Variants in OARD1 observed in about 807,000 individuals in gnomAD.
The protein encoded by OARD1 is ADP-ribose glycohydrolase OARD1.
In OARD1, 19 loss-of-function variants were observed where a neutral mutation model predicts 19.7. The observed-to-expected ratio is 0.96, with a 90% CI of 0.67 to 1.41. The LOEUF (loss-of-function observed/expected upper bound fraction) is 1.41. Among genes scored for constraint, OARD1 ranks in the 40% most tolerant of loss-of-function variants. OARD1 has a pLI of 0.00. For missense variants in OARD1, 190 were observed against 183.8 expected, an observed-to-expected ratio of 1.03 and a Z score of -0.20; for synonymous variants, 70 against 61.8, an observed-to-expected ratio of 1.13 and a Z score of -0.62.
chr6:41,066,989 A>T lies in OARD1; in HGVS notation c.*346T>A, dbSNP rs2114040652. The T allele has an allele frequency of 6.2e-6, 1 of 160,102 alleles. No individual in the cohort carries two copies. Among genetic ancestry groups the T allele is most frequent in the Middle Eastern group, 3.0e-3 (1 of 328 alleles). 9.9% of individuals were successfully genotyped at this position (160,102 alleles called of 1,614,324 possible). ...GATCATCCTTCCTGAAATTTCTCTT[A>T]AAAAGCAGAGAAGTAGAACCAATGC... is the stretch of plus-strand genomic sequence containing the variant. On this transcript the variant is annotated 3_prime_UTR_variant, in exon 6 of 6. Transcript: ENST00000424266.
At position 41,071,693 on chromosome 6, in the gene OARD1, G is replaced by C; in HGVS notation, c.-41-18C>G. On this transcript the variant is annotated intron_variant, in intron 1 of 5. Coordinates refer to ENST00000424266, the MANE Select transcript of OARD1 (RefSeq NM_001329686.2). ...TTCTTCAGCTATGAGAAGGGAAAAG[G>C]AAGTAAAAATGCTTAGGCAGCCTTA... The C allele has an allele frequency of 2.7e-6, 4 of 1,464,458 alleles. No homozygotes were observed. The highest frequency in any genetic ancestry group is 3.8e-6 in the Non-Finnish European group (4 of 1,043,686). 90.7% of individuals were successfully genotyped at this position (1,464,458 alleles called of 1,614,324 possible).
intron 1 of OARD1, 178 bp from the exon 2 acceptor site, chr6:41,071,853 G>C (rs1763429965): frequency 3.7e-6 from 2 of 540,932 alleles, no homozygotes; most frequent in Non-Finnish European, 6.6e-6. Context: ...AGAACGCTTA[G>C]GTTCGGAGGC....
upstream of OARD1, among the ~76,000 whole-genome samples, chr6:41,074,585 G>C (rs1561848619): frequency 1.3e-5 from 2 of 152,228 alleles, no homozygotes; most frequent in African/African-American, 4.8e-5. Context: ...GAGAAGAAAA[G>C]CATGTGCAGA....
At position 41,093,631 on chromosome 6, in the gene OARD1, C is replaced by T. The variant is rs572743281; in HGVS notation, c.-42+4082G>A. 5.9e-5 allele frequency among the ~76,000 whole-genome samples: 9 copies of T among 152,278 alleles called. No individual in the cohort carries two copies. The East Asian group carries it at 1.7e-3, about 29-fold the overall frequency. On this transcript the variant is annotated intron_variant, in intron 1 of 4. Transcript: ENST00000480585. ...GATTACAGGTGTGCGCCACCACGCC[C>T]AGCTTATTTTTGTGTTTTTAGTAGA... is the stretch of plus-strand genomic sequence containing the variant.
At chr6:41,071,069 A>G in intron 3 of OARD1, 63 bp downstream of exon 3, 1 of 1,499,480 alleles carries the variant, frequency 6.7e-7, no homozygotes, top group South Asian at 1.1e-5. Flanking sequence ...ATTTTATTAA[A>G]GTGTAACAGA....
chr6:41,093,943 C>T (rs977872623), intron 1 of OARD1, among the ~76,000 whole-genome samples: 1 of 152,066 alleles, frequency 6.6e-6, no homozygotes, highest in African/African-American at 2.4e-5. Flanking sequence ...TCACATGAGC[C>T]GAGGAATTCA....
chr6:41,091,456 GACTA>G (rs1194770764), intron 1 of OARD1: 15 of 1,464,396 alleles, frequency 1.0e-5, no homozygotes, highest in South Asian at 2.5e-5. Context: ...ATAGAAGAGG[GACTA>G]ACTATGTTCC....
At chr6:41,087,187 A>G (rs1056259608) in intron 1 of OARD1, among the ~76,000 whole-genome samples, 2 of 152,264 alleles carry the variant, frequency 1.3e-5, no homozygotes. Flanking sequence ...GTTGGTTCAC[A>G]TAACCAGATA....
intron 1 of OARD1, chr6:41,094,630 T>C (rs1764298080): frequency 7.9e-6 from 5 of 631,100 alleles, no homozygotes; most frequent in South Asian, 2.0e-5. Context: ...TGCAATCTTA[T>C]GTCTCTTTAG....
intron 1 of OARD1, among the ~76,000 whole-genome samples, chr6:41,083,663 T>C (rs1763967765): frequency 6.6e-6 from 1 of 152,182 alleles, no homozygotes; most frequent in Middle Eastern, 3.2e-3. Context: ...CCATCACCTT[T>C]CCCTCTCATT....
At chr6:41,072,831 G>GGCTTCA (rs1763543963), upstream of OARD1, 1 of 152,988 alleles carries the variant, frequency 6.5e-6, no homozygotes, top group Non-Finnish European at 1.5e-5. Context: ...AGGTGGGCGT[G>GGCTTCA]GCTTCAGGGA....
rs745675105 is a variant in OARD1, at chr6:41,065,238, TCTTTAA to T, written c.*2091_*2096del. 2 of 152,190 alleles carry T rather than the reference TCTTTAA, an allele frequency of 1.3e-5. No individual in the cohort carries two copies. Among genetic ancestry groups the T allele is most frequent in the Non-Finnish European group, 2.9e-5 (2 of 68,044 alleles). 9.4% of individuals were successfully genotyped at this position (152,190 alleles called of 1,614,324 possible). On this transcript the variant is annotated 3_prime_UTR_variant, in exon 6 of 6. Transcript: ENST00000424266. ...AAAAATAATAATAATAACCATAATC[TCTTTAA>T]AAGTAAAGGAAGCCTAGAAAATCCA...
At chr6:41,068,483 T>C (rs1289305938) in intron 5 of OARD1, among the ~76,000 whole-genome samples, 1 of 152,246 alleles carries the variant, frequency 6.6e-6, no homozygotes, top group Non-Finnish European at 1.5e-5. Context: ...AAAACCACCA[T>C]TGCTCAGTCT....
chr6:41,092,363 C>T (rs1021653170), intron 1 of OARD1, among the ~76,000 whole-genome samples: 2 of 151,960 alleles, frequency 1.3e-5, no homozygotes, highest in African/African-American at 2.4e-5. Context: ...CTCGTTTCTA[C>T]GAATTGAATG....
At chr6:41,074,766 CTA>C (rs1429328696), upstream of OARD1, among the ~76,000 whole-genome samples, 1 of 152,134 alleles carries the variant, frequency 6.6e-6, no homozygotes, top group Non-Finnish European at 1.5e-5. Flanking sequence ...GGATCTAGAG[CTA>C]TATTTTTTCC....
chr6:41,086,058 G>A (rs1764034890), intron 1 of OARD1, among the ~76,000 whole-genome samples: 1 of 152,120 alleles, frequency 6.6e-6, no homozygotes, highest in Non-Finnish European at 1.5e-5. Context: ...TATCTTTTCA[G>A]CATGTGCTTT....
chr6:41,093,193 G>A (rs542808174), intron 1 of OARD1: 26 of 927,302 alleles, frequency 2.8e-5, no homozygotes, highest in Non-Finnish European at 3.6e-5. Context: ...AACAATTGAC[G>A]TTAGATACTT....
chr6:41,096,751 T>C (rs1312255614), intron 1 of OARD1, among the ~76,000 whole-genome samples: 1 of 152,200 alleles, frequency 6.6e-6, no homozygotes, highest in African/African-American at 2.4e-5. Flanking sequence ...CGGTAGGTCT[T>C]AAGTGAGAAA....
chr6:41,068,965 G>C lies in OARD1; in HGVS notation c.244-12C>G. ...CTTTTCTTTGTAATCTGAACACAAA[G>C]GATTCAAACTTTCATCATCCCAAAA... On this transcript the variant is annotated splice_polypyrimidine_tract_variant and intron_variant, in intron 4 of 5. Coordinates refer to ENST00000424266, the MANE Select transcript of OARD1 (RefSeq NM_001329686.2). The C allele has an allele frequency of 5.5e-6, 8 of 1,464,826 alleles. No homozygotes were observed. The highest frequency in any genetic ancestry group is 6.6e-6 in the Non-Finnish European group (7 of 1,064,258). The allele number at this position is 1,464,826 out of a possible 1,614,324, so 90.7% of individuals were successfully genotyped here. A position where few individuals can be genotyped will look rare whatever the true frequency, so the allele number is the denominator to read the frequency against.
Sources: allele counts gnomAD v4.1 joint callset (sites outside exome capture counted in the v4.1 genomes callset), GRCh38; gene constraint gnomAD v4.1.1; transcripts MANE v1.5; gene names NCBI Gene and HGNC (gene_info 2026-07-23, HGNC 2026-07-21).